The following MEF2C variants were observed in gnomAD, a reference collection of about 807,000 sequenced individuals.
MEF2C encodes myocyte enhancer factor 2C, also known as myocyte-specific enhancer factor 2C.
Under a neutral mutation model 50.5 loss-of-function variants are expected in MEF2C, and 6 were observed. That is an observed-to-expected ratio of 0.12 (90% CI 0.07 to 0.23). The LOEUF (loss-of-function observed/expected upper bound fraction) is 0.23, where lower values mean the gene tolerates loss of function less well. MEF2C is among the 10% of genes least tolerant of loss of function. The pLI, the probability that MEF2C is intolerant of heterozygous loss-of-function variation, is 1.00. For synonymous variants in MEF2C, 183 were observed against 228.0 expected (o/e 0.80, Z 1.78); for missense variants, 276 against 605.0 (o/e 0.46, Z 5.70).
intron 4 of MEF2C, among the ~76,000 whole-genome samples, chr5:88,752,356 G>A (rs574260381): frequency 3.0e-3 from 454 of 152,306 alleles, no homozygotes; most frequent in Non-Finnish European, 5.5e-3. Flanking sequence ...ATCTGAATCT[G>A]GTGCCAGAAA....
chr5:88,763,611 T>G (rs1778763054), intron 3 of MEF2C, among the ~76,000 whole-genome samples: 1 of 152,184 alleles, frequency 6.6e-6, no homozygotes, highest in Non-Finnish European at 1.5e-5. Flanking sequence ...TATTTGATAT[T>G]TTTCAAAAGT....
chr5:88,793,098 A>G (rs1794516492), intron 3 of MEF2C, among the ~76,000 whole-genome samples: 1 of 152,150 alleles, frequency 6.6e-6, no homozygotes, highest in Non-Finnish European at 1.5e-5. Context: ...TAACAACTTC[A>G]ACAGTGCTCT....
At chr5:88,892,983 T>A (rs1834753511) in intron 1 of MEF2C, among the ~76,000 whole-genome samples, 1 of 152,200 alleles carries the variant, frequency 6.6e-6, no homozygotes, top group Non-Finnish European at 1.5e-5. Flanking sequence ...TAGAAGTAGT[T>A]CTGTTAGACA....
At position 88,852,537 on chromosome 5, in the gene MEF2C, T is replaced by C. The variant is rs147304002; in HGVS notation, c.-142-28607A>G. ...GATTTTTATTTTAATTATTTTATTT[T>C]TCCAAGCGATAATTAAAATGGTGCA... On this transcript the variant is annotated intron_variant, in intron 1 of 10. Transcript: ENST00000504921. Among the ~76,000 whole-genome samples the C allele has an allele frequency of 3.2e-3, 480 of 152,290 alleles. 6 individuals are homozygous for C. Among genetic ancestry groups the C allele is most frequent in the African/African-American group, 0.011 (447 of 41,564 alleles).
chr5:88,798,563 C>T (rs531677811), intron 3 of MEF2C, among the ~76,000 whole-genome samples: 133 of 152,166 alleles, frequency 8.7e-4, no homozygotes, highest in African/African-American at 3.1e-3. Flanking sequence ...AGTTTCTTAG[C>T]TTCCTTGCAT....
intron 1 of MEF2C, among the ~76,000 whole-genome samples, chr5:88,888,591 G>C (rs563623962): frequency 6.6e-6 from 1 of 152,170 alleles, no homozygotes; most frequent in Admixed American, 6.5e-5. Flanking sequence ...GATTTGGTGA[G>C]TTCTCTTTCT....
intron 2 of MEF2C, among the ~76,000 whole-genome samples, chr5:88,806,413 A>T (rs775468553): frequency 7.9e-5 from 12 of 152,084 alleles, no homozygotes; most frequent in Non-Finnish European, 1.5e-4. Context: ...GTTCAACCTC[A>T]TTATCTTCAG....
At chr5:88,802,733 G>T (rs1798887705) in intron 3 of MEF2C, among the ~76,000 whole-genome samples, 1 of 152,168 alleles carries the variant, frequency 6.6e-6, no homozygotes, top group South Asian at 2.1e-4. Context: ...ATAGGTGTGA[G>T]CCACCACACC....
intron 1 of MEF2C, among the ~76,000 whole-genome samples, chr5:88,856,694 T>C (rs1581634112): frequency 6.6e-6 from 1 of 152,026 alleles, no homozygotes; most frequent in Non-Finnish European, 1.5e-5. Context: ...CTTCAGAGGG[T>C]TCAAGCTCCA....
At chr5:88,770,163 A>G (rs1378755465) in intron 3 of MEF2C, among the ~76,000 whole-genome samples, 1 of 152,254 alleles carries the variant, frequency 6.6e-6, no homozygotes, top group Non-Finnish European at 1.5e-5. Flanking sequence ...AAAATGTATA[A>G]TAATTGTAAC....
chr5:88,825,629 T>C (rs1810537014), intron 1 of MEF2C: 1 of 984,830 alleles, frequency 1.0e-6, no homozygotes, highest in Admixed American at 6.2e-5. Flanking sequence ...ATCATATATT[T>C]GATGTTGCTA....
Position 88,736,933 on chromosome 5 carries a change from G to C in MEF2C, c.638-5032C>G, listed in dbSNP as rs544438835. The stretch of plus-strand genomic sequence containing the variant: ...ATTTATCTTTTAAGGATCAACTAAA[G>C]TTCCAACTCTTTCATGATGCCTTTC... On this transcript the variant is annotated intron_variant, in intron 6 of 10. Transcript: ENST00000504921. The C allele has an allele frequency of 2.2e-5, 22 of 985,134 alleles. No homozygotes were observed. The African/African-American group carries it at 2.6e-4, about 12-fold the overall frequency. 61.0% of individuals were successfully genotyped at this position (985,134 alleles called of 1,614,324 possible).
intron 6 of MEF2C, chr5:88,733,198 G>C: frequency 1.0e-6 from 1 of 985,280 alleles, no homozygotes; most frequent in Non-Finnish European, 1.2e-6. Flanking sequence ...CTTAAAGAAA[G>C]GCCATAGGAA....
chr5:88,753,600 A>G (rs1773871871), intron 4 of MEF2C, among the ~76,000 whole-genome samples: 1 of 152,166 alleles, frequency 6.6e-6, no homozygotes, highest in Admixed American at 6.5e-5. Context: ...CATGTTGCCC[A>G]GGCTGGTCTT....
chr5:88,881,256 A>C (rs1347473206), intron 1 of MEF2C: 1 of 152,198 alleles, frequency 6.6e-6, no homozygotes, highest in Non-Finnish European at 1.5e-5. Flanking sequence ...ATAGAATGAG[A>C]TATTTGATTT....
chr5:88,844,000 C>T (rs530028677), intron 1 of MEF2C, among the ~76,000 whole-genome samples: 5 of 152,014 alleles, frequency 3.3e-5, no homozygotes, highest in South Asian at 2.1e-4. Context: ...TTAGTAGAGA[C>T]GGGGTTTCAC....
intron 1 of MEF2C, among the ~76,000 whole-genome samples, chr5:88,872,187 A>T (rs1280044229): frequency 6.6e-6 from 1 of 152,058 alleles, no homozygotes; most frequent in Admixed American, 6.6e-5. Flanking sequence ...AAACACCTAG[A>T]ACTCTTGGCG....
intron 6 of MEF2C, chr5:88,739,782 A>G: frequency 1.0e-6 from 1 of 985,174 alleles, no homozygotes; most frequent in Non-Finnish European, 1.2e-6. Flanking sequence ...GCTCTAAGAG[A>G]AAAGGCAACC....
At chr5:88,870,202 T>A (rs1204644725) in intron 1 of MEF2C, among the ~76,000 whole-genome samples, 1 of 152,088 alleles carries the variant, frequency 6.6e-6, no homozygotes, top group Non-Finnish European at 1.5e-5. Context: ...ATACATTTCA[T>A]AATTAAAGAT....
Sources: allele counts gnomAD v4.1 joint callset (sites outside exome capture counted in the v4.1 genomes callset), GRCh38; gene constraint gnomAD v4.1.1; transcripts MANE v1.5; gene names NCBI Gene and HGNC (gene_info 2026-07-23, HGNC 2026-07-21).